Variants in PAX5 observed in about 807,000 individuals in gnomAD.
PAX5 encodes the protein paired box 5.
In PAX5, 9 loss-of-function variants were observed where a neutral mutation model predicts 43.7. The observed-to-expected ratio is 0.21, with a 90% CI of 0.12 to 0.36. PAX5 has a LOEUF of 0.36. PAX5 is among the 10% of genes least tolerant of loss of function. The pLI is 1.00. For missense variants in PAX5, 383 were observed against 532.7 expected, an observed-to-expected ratio of 0.72 and a Z score of 2.77; for synonymous variants, 228 against 214.3, an observed-to-expected ratio of 1.06 and a Z score of -0.56.
intron 9 of PAX5, among the ~76,000 whole-genome samples, chr9:36,845,151 GA>G (rs1305761318): frequency 6.6e-6 from 1 of 152,160 alleles, no homozygotes; most frequent in Non-Finnish European, 1.5e-5. Flanking sequence ...CCATCAGAAG[GA>G]ACCTCTCCCA....
In PAX5 at chr9:36,840,436, C is replaced by T. The variant is rs1821941213; in HGVS notation, c.*124G>A. 3 of 937,424 alleles carry T rather than the reference C, an allele frequency of 3.2e-6. No homozygotes were observed. Among genetic ancestry groups the T allele is most frequent in the Non-Finnish European group, 5.0e-6 (3 of 599,210 alleles). 58.1% of individuals were successfully genotyped at this position (937,424 alleles called of 1,614,324 possible). ...CTGGAGGAAGAGAGGAAGAGGGGAG[C>T]TTCAGGCAAGTGGGGGATGCTGGGG... On this transcript the variant is annotated 3_prime_UTR_variant, in exon 10 of 10. Transcript: ENST00000358127.
At chr9:36,888,822 T>C (rs1434476598) in intron 7 of PAX5, among the ~76,000 whole-genome samples, 1 of 152,174 alleles carries the variant, frequency 6.6e-6, no homozygotes, top group Non-Finnish European at 1.5e-5. Context: ...CACCCACATC[T>C]GCTCTCCCTT....
intron 6 of PAX5, among the ~76,000 whole-genome samples, chr9:36,965,268 C>A (rs1834318649): frequency 6.6e-6 from 1 of 152,208 alleles, no homozygotes. Context: ...AGTCTGTAGG[C>A]TCCCTGAGGG....
rs909802925 is a variant in PAX5 at position 36,888,545 on chromosome 9, T to G, written c.911-6440A>C. ...CAAAAGACTATGTATTGTGTGAATA[T>G]ATTCATACAAATGTCCAAGATAGGC... On this transcript the variant is annotated intron_variant, in intron 7 of 9. Coordinates refer to ENST00000358127, the MANE Select transcript of PAX5 (RefSeq NM_016734.3). 7.2e-5 allele frequency among the ~76,000 whole-genome samples: 11 copies of G among 152,352 alleles called. No homozygotes were observed. In the South Asian group the frequency reaches 2.1e-3, roughly 29 times the overall value.
At chr9:36,924,750 A>T (rs1360959495) in intron 6 of PAX5, among the ~76,000 whole-genome samples, 3,387 of 111,898 alleles carry the variant, frequency 0.03, 479 homozygotes, top group African/African-American at 0.11. Flanking sequence ...GAAGGAAGGA[A>T]GGAAGGAAGG....
intron 5 of PAX5, among the ~76,000 whole-genome samples, chr9:36,979,047 C>A (rs1391768176): frequency 6.6e-6 from 1 of 152,160 alleles, no homozygotes; most frequent in Non-Finnish European, 1.5e-5. Flanking sequence ...TCTCACTGTC[C>A]ACTGTCTCTG....
chr9:36,927,933 C>A (rs1244350666), intron 6 of PAX5, among the ~76,000 whole-genome samples: 1 of 152,206 alleles, frequency 6.6e-6, no homozygotes, highest in South Asian at 2.1e-4. Context: ...TGGTCTTGAA[C>A]TTCTGGCTTC....
intron 6 of PAX5, among the ~76,000 whole-genome samples, chr9:36,928,543 C>T (rs374864297): frequency 1.3e-5 from 2 of 152,294 alleles, no homozygotes; most frequent in Non-Finnish European, 1.5e-5. Flanking sequence ...CTTAGTGCCC[C>T]CTAAGTGCTT....
intron 8 of PAX5, among the ~76,000 whole-genome samples, chr9:36,881,174 C>T (rs974812886): frequency 5.3e-5 from 8 of 151,962 alleles, no homozygotes; most frequent in African/African-American, 9.7e-5. Flanking sequence ...CCACACTGTA[C>T]CCTATAGATA....
At chr9:36,863,328 A>G (rs1230658891) in intron 8 of PAX5, among the ~76,000 whole-genome samples, 1 of 152,218 alleles carries the variant, frequency 6.6e-6, no homozygotes, top group African/African-American at 2.4e-5. Context: ...CAGTGGCACC[A>G]GCATAGCTCA....
At position 37,034,098 on chromosome 9, in the gene PAX5, CTTTTTTT is replaced by C. The variant is rs576653546; in HGVS notation, c.-74_-68del. 1,208 of 319,080 alleles carry C rather than the reference CTTTTTTT, an allele frequency of 3.8e-3. No individual in the cohort carries two copies. Among genetic ancestry groups the C allele is most frequent in the Non-Finnish European group, 4.1e-3 (744 of 181,728 alleles). 19.8% of individuals were successfully genotyped at this position (319,080 alleles called of 1,614,324 possible). On this transcript the variant is annotated 5_prime_UTR_variant, in exon 1 of 10. Transcript: ENST00000358127. ...TCCACTTTTTTGTGCCTTTTTTTTT[CTTTTTTT>C]TTTTTTTTTTTTTTTTTTTTTGGTG... is the stretch of plus-strand genomic sequence containing the variant.
intron 8 of PAX5, among the ~76,000 whole-genome samples, chr9:36,851,351 T>C (rs1823145349): frequency 6.6e-6 from 1 of 152,106 alleles, no homozygotes. Flanking sequence ...CAAGTTCCCA[T>C]TTTCAGTTGT....
In PAX5 at chr9:36,895,104, A is replaced by G. The variant is rs908651222; in HGVS notation, c.911-12999T>C. ...CTCACACTCGCTGCACCTCCCTACC[A>G]CACGCTTTCATTTGTGCTAAACCTC... On this transcript the variant is annotated intron_variant, in intron 7 of 9. Coordinates refer to ENST00000358127, the MANE Select transcript of PAX5 (RefSeq NM_016734.3). Among the ~76,000 whole-genome samples the G allele has an allele frequency of 7.2e-5, 11 of 152,286 alleles. No homozygotes were observed. The South Asian group carries it at 2.1e-3, about 29-fold the overall frequency.
At chr9:36,847,699 G>C (rs1180185316) in intron 8 of PAX5, among the ~76,000 whole-genome samples, 1 of 152,188 alleles carries the variant, frequency 6.6e-6, no homozygotes, top group Non-Finnish European at 1.5e-5. Context: ...GCATTGTGGG[G>C]CATGGTGGGA....
At chr9:36,897,417 C>G (rs1827966151) in intron 7 of PAX5, among the ~76,000 whole-genome samples, 1 of 152,120 alleles carries the variant, frequency 6.6e-6, no homozygotes, top group South Asian at 2.1e-4. Flanking sequence ...ATTCTTTCAA[C>G]CAGTGAACCT....
At chr9:36,933,093 A>G (rs1370373249) in intron 6 of PAX5, among the ~76,000 whole-genome samples, 1 of 151,522 alleles carries the variant, frequency 6.6e-6, no homozygotes, top group Non-Finnish European at 1.5e-5. Flanking sequence ...GCAGTGAGCC[A>G]AGATCGCACC....
intron 8 of PAX5, among the ~76,000 whole-genome samples, chr9:36,878,563 A>T (rs1220683114): frequency 6.6e-6 from 1 of 152,188 alleles, no homozygotes; most frequent in Non-Finnish European, 1.5e-5. Flanking sequence ...GATGGGTGAG[A>T]GTCCAAGGTG....
At chr9:36,991,124 AAAAAT>A (rs1836905089) in intron 5 of PAX5, among the ~76,000 whole-genome samples, 1 of 134,360 alleles carries the variant, frequency 7.4e-6, no homozygotes. Flanking sequence ...AAAAAAAAAA[AAAAAT>A]TCCAGCAAAA....
chr9:37,024,464 A>G (rs969892516), intron 1 of PAX5, among the ~76,000 whole-genome samples: 1 of 152,164 alleles, frequency 6.6e-6, no homozygotes, highest in Non-Finnish European at 1.5e-5. Context: ...CTGAGCCTCT[A>G]CTACCTCAGC....
Sources: allele counts gnomAD v4.1 joint callset (sites outside exome capture counted in the v4.1 genomes callset), GRCh38; gene constraint gnomAD v4.1.1; transcripts MANE v1.5; gene names NCBI Gene and HGNC (gene_info 2026-07-23, HGNC 2026-07-21).